The following ZNF493 variants were observed in gnomAD, a reference collection of about 807,000 sequenced individuals.
ZNF493 encodes the protein zinc finger protein 493.
Under a neutral mutation model 12.2 loss-of-function variants are expected in ZNF493, and 11 were observed. The ratio of observed to expected loss-of-function variants is 0.90; its 90% CI spans 0.57 to 1.50. The LOEUF is 1.50. Ranked by LOEUF, ZNF493 falls within the 40% of genes most tolerant of loss-of-function variation. ZNF493 has a pLI of 0.00. For synonymous variants in ZNF493, 286 were observed against 302.6 expected (o/e 0.95, Z 0.57); for missense variants, 950 against 906.6 (o/e 1.05, Z -0.61).
In ZNF493 at chr19:21,424,914, G is replaced by A. The variant is rs139480417; in HGVS notation, c.2255G>A (p.Arg752Gln). The A allele has an allele frequency of 3.0e-5, 49 of 1,611,668 alleles. No homozygotes were observed. The highest frequency in any genetic ancestry group is 1.8e-4 in the South Asian group (16 of 90,832). Residue 752 changes from arginine (R) to glutamine (Q), a missense_variant, in exon 4 of 4, where the codon CGG becomes CAG. Arg to Gln is a conservative substitution (Grantham distance 43). Coordinates refer to ENST00000392288, the MANE Select transcript of ZNF493 (RefSeq NM_001076678.3). ...KCEACGKAFR[R>Q]SSHLSRHKII... ...GAAGCATGTGGCAAAGCTTTTAGGC[G>A]GTCTTCACATCTTAGTAGACATAAG...
intron 3 of ZNF493, chr19:21,408,881 C>CTTTT (rs201812196): frequency 3.5e-5 from 21 of 595,354 alleles, no homozygotes; most frequent in South Asian, 7.4e-5. Flanking sequence ...TTCTTTCTTT[C>CTTTT]TTTTTTTTTT....
intron 3 of ZNF493, among the ~76,000 whole-genome samples, chr19:21,407,207 G>A (rs756673168): frequency 2.0e-5 from 3 of 151,906 alleles, no homozygotes; most frequent in Admixed American, 6.6e-5. Context: ...TAATTAGTTG[G>A]GTGTGGCTGT....
intron 1 of ZNF493, among the ~76,000 whole-genome samples, chr19:21,402,446 G>A (rs2029979954): frequency 6.6e-6 from 1 of 152,026 alleles, no homozygotes. Flanking sequence ...TTCCTTTTAG[G>A]TAGACATATT....
chr19:21,424,411 A>T lies in ZNF493; in HGVS notation c.1752A>T (p.Val584=). 2 of 1,612,836 alleles carry T rather than the reference A, an allele frequency of 1.2e-6. No homozygotes were observed. Among genetic ancestry groups the T allele is most frequent in the Non-Finnish European group, 1.7e-6 (2 of 1,179,422 alleles). Residue 584 remains valine, a synonymous_variant, in exon 4 of 4, where the codon GTA becomes GTT. Coordinates refer to ENST00000392288, the MANE Select transcript of ZNF493 (RefSeq NM_001076678.3). ...AAGAATGTGGCAAATCCTTTAGTGT[A>T]TTCTCAACCCTTACTAAACACAAGA... The part of the protein sequence containing the change: ...KCKECGKSFS[V]FSTLTKHKII...
rs1974182423 is a variant in ZNF493, at chr19:21,397,151, C to CG, written c.-85dup. On this transcript the variant is annotated 5_prime_UTR_variant, in exon 1 of 4. Coordinates refer to ENST00000392288, the MANE Select transcript of ZNF493 (RefSeq NM_001076678.3). ...CTGGGCCATTGTTTCTCTCTGCTGCCGGAGCTCCAGGTCTACCCTTCACTG... is the reference window on the plus strand; with the variant it reads ...CTGGGCCATTGTTTCTCTCTGCTGCCGGGAGCTCCAGGTCTACCCTTCACTG... 6.7e-7 allele frequency: 1 copy of CG among 1,497,370 alleles called. No homozygotes were observed. Among genetic ancestry groups the CG allele is most frequent in the Non-Finnish European group, 9.3e-7 (1 of 1,074,508 alleles). 92.8% of individuals were successfully genotyped at this position (1,497,370 alleles called of 1,614,324 possible).
rs951947550 is a variant in ZNF493, at chr19:21,423,436, T to C, written c.777T>C (p.His259=). The change falls in exon 4 of 4, where the codon CAT becomes CAC. Residue 259 remains histidine, a synonymous_variant. Transcript: ENST00000392288. Reference sequence around the variant, plus strand: ...ACCTTACTACACATAAGAGAATTCATACTGGACAGAAACCCTACAAATGTG... The same window carrying C: ...ACCTTACTACACATAAGAGAATTCACACTGGACAGAAACCCTACAAATGTG... The part of the protein sequence containing the change: ...DSNLTTHKRI[H]TGQKPYKCEE... The C allele has an allele frequency of 6.8e-6, 11 of 1,613,622 alleles. No homozygotes were observed. The highest frequency in any genetic ancestry group is 1.7e-5 in the Admixed American group (1 of 59,940).
At chr19:21,420,655 T>C (rs7254554) in intron 3 of ZNF493, among the ~76,000 whole-genome samples, 15,051 of 46,232 alleles carry the variant, frequency 0.33, 3,344 homozygotes, top group African/African-American at 0.44. Flanking sequence ...TTTTTTTTTT[T>C]CAGAACTTTG....
intron 3 of ZNF493, chr19:21,412,435 A>G (rs570983605): frequency 2.0e-5 from 3 of 152,928 alleles, no homozygotes; most frequent in Non-Finnish European, 4.4e-5. Flanking sequence ...TGTTATGGCC[A>G]TCATGAACAT....
At position 21,418,587 on chromosome 19, in the gene ZNF493, AGAC is replaced by A. The variant is rs1349588328; in HGVS notation, c.254-4325_254-4323del. On this transcript the variant is annotated intron_variant, in intron 3 of 3. Transcript: ENST00000392288. ...AACCCAGCGGCACTAGAGGAATTAA[AGAC>A]ACACACACAGAAATATAGAGGTGTG... 5.9e-5 allele frequency among the ~76,000 whole-genome samples: 9 copies of A among 152,334 alleles called. No individual in the cohort carries two copies. In the East Asian group the frequency reaches 1.7e-3, roughly 29 times the overall value.
chr19:21,397,546 G>T, intron 1 of ZNF493: 1 of 591,982 alleles, frequency 1.7e-6, no homozygotes, highest in Non-Finnish European at 3.0e-6. Context: ...GTCTTTCTCA[G>T]ATTGTGCGGG....
rs761637252 is a variant in ZNF493 at position 21,422,996 on chromosome 19, G to A, written c.337G>A (p.Val113Ile). The change falls in exon 4 of 4, where the codon GTA (valine) becomes ATA (isoleucine). Residue 113 changes from valine (V) to isoleucine (I), a missense_variant. Transcript: ENST00000392288. ...TCAAAAAGTGATACTGAGAGAATAT[G>A]TAAAATGTGGACATAAGGATTTACA... ...SFQKVILREY[V>I]KCGHKDLQLR... 1 of 1,610,846 alleles carries A rather than the reference G, an allele frequency of 6.2e-7. No individual in the cohort carries two copies. Among genetic ancestry groups the A allele is most frequent in the Non-Finnish European group, 8.5e-7 (1 of 1,178,946 alleles).
intron 1 of ZNF493, among the ~76,000 whole-genome samples, chr19:21,402,400 C>T (rs1013311312): frequency 6.6e-4 from 101 of 152,146 alleles, no homozygotes; most frequent in African/African-American, 2.2e-3. Context: ...TTGGCCCTGA[C>T]GAACTCTCTA....
chr19:21,424,691 A>T lies in ZNF493; in HGVS notation c.2032A>T (p.Ile678Phe). The T allele has an allele frequency of 6.2e-7, 1 of 1,613,700 alleles. No homozygotes were observed. The highest frequency in any genetic ancestry group is 8.5e-7 in the Non-Finnish European group (1 of 1,179,750). The change falls in exon 4 of 4, where the codon ATT becomes TTT. Residue 678 changes from isoleucine to phenylalanine, a missense_variant. Transcript: ENST00000392288. ...IFSTLTKHKI[I>F]HTEEKPYKCE... Reference sequence around the variant, plus strand: ...CTCAACCCTTACTAAACATAAGATAATTCATACTGAAGAGAAACCCTACAA... The same window carrying T: ...CTCAACCCTTACTAAACATAAGATATTTCATACTGAAGAGAAACCCTACAA...
In ZNF493 at chr19:21,424,319, T is replaced by A; in HGVS notation, c.1660T>A (p.Phe554Ile). ...CAAATGTGAAGAATGTGGCAAAGCT[T>A]TTAATCGGTCCTCACACCTTACTAC... ...PYKCEECGKA[F>I]NRSSHLTTHK... Residue 554 changes from phenylalanine to isoleucine, a missense_variant, in exon 4 of 4, where the codon TTT becomes ATT. By Grantham distance (21) the Phe-to-Ile change is conservative. Coordinates refer to ENST00000392288, the MANE Select transcript of ZNF493 (RefSeq NM_001076678.3). The A allele has an allele frequency of 2.5e-6, 4 of 1,613,684 alleles. No homozygotes were observed. The highest frequency in any genetic ancestry group is 2.5e-6 in the Non-Finnish European group (3 of 1,179,782).
rs140325042 is a variant in ZNF493, at chr19:21,417,347, C to T, written c.254-5566C>T. Among the ~76,000 whole-genome samples the T allele has an allele frequency of 9.9e-5, 15 of 152,188 alleles. No homozygotes were observed. In the East Asian group the frequency reaches 2.1e-3, roughly 22 times the overall value. ...GTCGTTGCCTGTGCTAGCAGAGTAG[C>T]CTTACGCAGATTACCTCCAATACCA... On this transcript the variant is annotated intron_variant, in intron 3 of 3. Coordinates refer to ENST00000392288, the MANE Select transcript of ZNF493 (RefSeq NM_001076678.3).
intron 3 of ZNF493, among the ~76,000 whole-genome samples, chr19:21,418,449 GTCC>G (rs1459468963): frequency 6.6e-6 from 1 of 152,118 alleles, no homozygotes; most frequent in African/African-American, 2.4e-5. Context: ...GTACTTGGGT[GTCC>G]TCCGGCTTAG....
At chr19:21,410,958 A>C (rs1368367148) in intron 3 of ZNF493, among the ~76,000 whole-genome samples, 1 of 151,872 alleles carries the variant, frequency 6.6e-6, no homozygotes, top group Non-Finnish European at 1.5e-5. Context: ...ATACCCAGCT[A>C]ATTTTGTATT....
At chr19:21,413,320 C>T (rs1215381735) in intron 3 of ZNF493, 1 of 389,430 alleles carries the variant, frequency 2.6e-6, no homozygotes, top group Non-Finnish European at 4.5e-6. Context: ...GGCATTATTA[C>T]CAGCCAAGAT....
chr19:21,409,942 G>A (rs547916497), intron 3 of ZNF493, among the ~76,000 whole-genome samples: 129 of 151,780 alleles, frequency 8.5e-4, no homozygotes, highest in African/African-American at 2.9e-3. Context: ...ATATATAAGC[G>A]GAATCATACA....
Sources: allele counts gnomAD v4.1 joint callset (sites outside exome capture counted in the v4.1 genomes callset), GRCh38; gene constraint gnomAD v4.1.1; transcripts MANE v1.5; gene names NCBI Gene and HGNC (gene_info 2026-07-23, HGNC 2026-07-21).